The following MTMR3 variants were observed in gnomAD, a reference collection of about 807,000 sequenced individuals.
MTMR3 encodes the protein myotubularin related protein 3, also known as phosphatidylinositol-3,5-bisphosphate 3-phosphatase MTMR3.
In MTMR3, 32 loss-of-function variants were observed where a neutral mutation model predicts 132.4. The ratio of observed to expected loss-of-function variants is 0.24; its 90% CI spans 0.18 to 0.32. The LOEUF (loss-of-function observed/expected upper bound fraction) is 0.32. MTMR3 is among the 10% of genes least tolerant of loss of function. The probability of loss-of-function intolerance (pLI) is 1.00; values close to 1 mark genes in which losing one functional copy is unlikely to be tolerated. For synonymous variants in MTMR3, 556 were observed against 550.3 expected (o/e 1.01, Z -0.14); for missense variants, 1,216 against 1,489.6 (o/e 0.82, Z 3.02).
intron 1 of MTMR3, among the ~76,000 whole-genome samples, chr22:29,908,251 G>A (rs1388949362): frequency 6.6e-6 from 1 of 152,150 alleles, no homozygotes; most frequent in Non-Finnish European, 1.5e-5. Flanking sequence ...GAAGCTCAAT[G>A]CCATATTAGT....
Position 29,960,469 on chromosome 22 carries a change from C to T in MTMR3, c.-85+3381C>T, listed in dbSNP as rs559560839. The stretch of plus-strand genomic sequence containing the variant: ...TTCAAAAAAAATGCACGTGCATATG[C>T]GCGAACAAAAAAGGAGACAGTGTTG... On this transcript the variant is annotated intron_variant, in intron 2 of 19. Coordinates refer to ENST00000401950, the MANE Select transcript of MTMR3 (RefSeq NM_021090.4). 5.3e-5 allele frequency among the ~76,000 whole-genome samples: 8 copies of T among 152,168 alleles called. No individual in the cohort carries two copies. In the South Asian group the frequency reaches 6.2e-4, roughly 12 times the overall value.
intron 9 of MTMR3, chr22:30,005,893 A>C (rs1448703304): frequency 6.6e-6 from 1 of 152,194 alleles, no homozygotes; most frequent in African/African-American, 2.4e-5. Context: ...ATAGAAACAT[A>C]CTCGTTTTAA....
chr22:29,899,302 C>T (rs1274618491), intron 1 of MTMR3, among the ~76,000 whole-genome samples: 3 of 152,172 alleles, frequency 2.0e-5, no homozygotes, highest in African/African-American at 7.2e-5. Flanking sequence ...ATCCTCCCAC[C>T]TTGGCCTCCC....
intron 1 of MTMR3, among the ~76,000 whole-genome samples, chr22:29,905,315 T>C (rs1462754352): frequency 6.6e-6 from 1 of 152,200 alleles, no homozygotes; most frequent in East Asian, 1.9e-4. Context: ...CATCCACATT[T>C]GGTTAAAAGA....
At chr22:29,889,608 T>A (rs1477462535) in intron 1 of MTMR3, among the ~76,000 whole-genome samples, 60 of 149,982 alleles carry the variant, frequency 4.0e-4, no homozygotes, top group Non-Finnish European at 7.3e-4. Context: ...TAGTGTTTTT[T>A]AAAAAAAAAA....
At chr22:29,929,349 C>T (rs1175868535) in intron 1 of MTMR3, among the ~76,000 whole-genome samples, 2 of 152,090 alleles carry the variant, frequency 1.3e-5, no homozygotes, top group African/African-American at 4.8e-5. Context: ...CAACATCTTA[C>T]TTTTCTGCCA....
At chr22:29,886,307 A>AT (rs2145693374) in intron 1 of MTMR3, among the ~76,000 whole-genome samples, 1 of 152,336 alleles carries the variant, frequency 6.6e-6, no homozygotes, top group South Asian at 2.1e-4. Flanking sequence ...CCTTTAAGAA[A>AT]TTGTTTTCTA....
chr22:29,994,551 A>T (rs2067024965), intron 7 of MTMR3: 1 of 152,188 alleles, frequency 6.6e-6, no homozygotes, highest in East Asian at 1.9e-4. Flanking sequence ...AGGATGAGAC[A>T]ACACTTGGGA....
chr22:29,968,177 G>C (rs1465519349), intron 2 of MTMR3, among the ~76,000 whole-genome samples: 1 of 152,240 alleles, frequency 6.6e-6, no homozygotes, highest in East Asian at 1.9e-4. Flanking sequence ...TTTCCTCAGA[G>C]GTTGTACCAC....
At chr22:29,947,061 A>G (rs541390239) in intron 1 of MTMR3, among the ~76,000 whole-genome samples, 1 of 152,336 alleles carries the variant, frequency 6.6e-6, no homozygotes, top group East Asian at 1.9e-4. Context: ...GTTCTTTCCA[A>G]GGTTCTTATG....
At chr22:29,928,037 T>C (rs1033838874) in intron 1 of MTMR3, among the ~76,000 whole-genome samples, 2 of 148,200 alleles carry the variant, frequency 1.3e-5, no homozygotes, top group African/African-American at 5.0e-5. Context: ...ACCTCCTGGG[T>C]TCAAGCGATT....
intron 1 of MTMR3, among the ~76,000 whole-genome samples, chr22:29,903,866 A>G (rs949061678): frequency 2.0e-5 from 3 of 152,208 alleles, no homozygotes; most frequent in African/African-American, 7.2e-5. Context: ...GCCAAGGGAT[A>G]TTACACTTGA....
chr22:29,883,804 A>G (rs911231135), intron 1 of MTMR3, among the ~76,000 whole-genome samples: 2 of 152,224 alleles, frequency 1.3e-5, no homozygotes, highest in East Asian at 1.9e-4. Flanking sequence ...GTCAGGGGCC[A>G]TGGGAGCCCC....
chr22:30,007,950 G>T lies in MTMR3; in HGVS notation c.927G>T (p.Pro309=), dbSNP rs373947142. 1 of 1,613,656 alleles carries T rather than the reference G, an allele frequency of 6.2e-7. No individual in the cohort carries two copies. The highest frequency in any genetic ancestry group is 8.5e-7 in the Non-Finnish European group (1 of 1,180,006). ...ASGAESLAIQ[P]QKLLILDARS... Reference sequence around the variant, plus strand: ...GAGCAGAGAGTTTAGCCATCCAACCGCAGAAGCTTTTGATCTTGGATGCAC... The same window carrying T: ...GAGCAGAGAGTTTAGCCATCCAACCTCAGAAGCTTTTGATCTTGGATGCAC... The change falls in exon 11 of 20, where the codon CCG becomes CCT. Residue 309 remains proline, a synonymous_variant. Coordinates refer to ENST00000401950, the MANE Select transcript of MTMR3 (RefSeq NM_021090.4).
At chr22:29,933,918 G>A (rs192800202) in intron 1 of MTMR3, among the ~76,000 whole-genome samples, 415 of 152,152 alleles carry the variant, frequency 2.7e-3, no homozygotes, top group African/African-American at 9.4e-3. Flanking sequence ...TCAATGAGAT[G>A]ATGCACTTGT....
At chr22:29,930,553 G>T (rs926010049) in intron 1 of MTMR3, among the ~76,000 whole-genome samples, 6 of 152,084 alleles carry the variant, frequency 3.9e-5, no homozygotes, top group African/African-American at 1.2e-4. Flanking sequence ...TTAGCTGAGC[G>T]TGGTGGCACA....
rs554350100 is a variant in MTMR3, at chr22:29,941,049, C to T, written c.-137-15987C>T. Among the ~76,000 whole-genome samples, 2 of 150,168 alleles carry T rather than the reference C, an allele frequency of 1.3e-5. 1 individual carries two copies. Among genetic ancestry groups the T allele is most frequent in the African/African-American group, 5.1e-5 (2 of 39,558 alleles). ...AACTTTTACATCACATGAGAAAGTTCCTTTATGCACCGCTTCTAGTTAGTC... is the reference window on the plus strand; with the variant it reads ...AACTTTTACATCACATGAGAAAGTTTCTTTATGCACCGCTTCTAGTTAGTC... On this transcript the variant is annotated intron_variant, in intron 1 of 19. Transcript: ENST00000401950.
chr22:29,948,294 T>A (rs905578542), intron 1 of MTMR3, among the ~76,000 whole-genome samples: 5 of 152,238 alleles, frequency 3.3e-5, no homozygotes, highest in Non-Finnish European at 7.3e-5. Flanking sequence ...CGATTTTTGA[T>A]GTCTGTTATT....
At position 29,883,362 on chromosome 22, in the gene MTMR3, A is replaced by G. The variant is rs1412286952; in HGVS notation, c.-138+3A>G. The G allele has an allele frequency of 5.7e-5, 9 of 157,640 alleles. No individual in the cohort carries two copies. Among genetic ancestry groups the G allele is most frequent in the Non-Finnish European group, 1.3e-4 (9 of 71,242 alleles). 9.8% of individuals were successfully genotyped at this position (157,640 alleles called of 1,614,324 possible). A position where few individuals can be genotyped will look rare whatever the true frequency, so the allele number is the denominator to read the frequency against. The stretch of plus-strand genomic sequence containing the variant: ...GCCTCGCCATGTCCTGCTGCCCGGT[A>G]AGAACCCCATCCCCGTCCTCCGTCT... On this transcript the variant is annotated splice_donor_region_variant and intron_variant, in intron 1 of 19. Transcript: ENST00000401950.
Sources: gnomAD v4.1 joint callset for allele counts (sites outside exome capture counted in the v4.1 genomes callset) on GRCh38, gnomAD v4.1.1 for gene constraint, MANE v1.5 for transcripts, NCBI Gene and HGNC (gene_info 2026-07-23, HGNC 2026-07-21) for gene names.